The following MACROD2 variants were observed in gnomAD, a reference collection of about 807,000 sequenced individuals.
The protein encoded by MACROD2 is ADP-ribose glycohydrolase MACROD2.
MACROD2 carries 36 observed loss-of-function variants against 70.4 expected under a neutral mutation model. The ratio of observed to expected loss-of-function variants is 0.51; its 90% CI spans 0.39 to 0.68. MACROD2 has a LOEUF of 0.68. Ranked by LOEUF, MACROD2 falls within the 30% of genes least tolerant of loss-of-function variation. The pLI is 0.00. For synonymous variants in MACROD2, 172 were observed against 178.8 expected (o/e 0.96, Z 0.30); for missense variants, 496 against 538.4 (o/e 0.92, Z 0.78).
chr20:14,283,083 A>C (rs1336820749), intron 3 of MACROD2, among the ~76,000 whole-genome samples: 1 of 152,150 alleles, frequency 6.6e-6, no homozygotes, highest in Non-Finnish European at 1.5e-5. Context: ...GTGGCAAATA[A>C]TTTGCAGCTA....
At chr20:15,047,529 T>A (rs2075404539) in intron 5 of MACROD2, among the ~76,000 whole-genome samples, 1 of 152,258 alleles carries the variant, frequency 6.6e-6, no homozygotes, top group South Asian at 2.1e-4. Flanking sequence ...AGTGTTATTC[T>A]AAATATGGAG....
At position 16,044,616 on chromosome 20, in the gene MACROD2, G is replaced by A; in HGVS notation, c.1277G>A (p.Ser426Asn). The change falls in exon 17 of 18, where the codon AGT (serine) becomes AAT (asparagine). Residue 426 changes from serine (S) to asparagine (N), a missense_variant. Physicochemically the swap from Ser to Asn is conservative, Grantham distance 46 (BLOSUM62 1). Transcript: ENST00000684519. ...GACAAGGTAAATGACCCAACAGAGA[G>A]TCAACAAGAAGATCAACTAATAGGT... Reference protein sequence around the residue: ...QVDKVNDPTESQQEDQLIAGA... With the variant: ...QVDKVNDPTENQQEDQLIAGA... 6.2e-7 allele frequency: 1 copy of A among 1,612,514 alleles called. No homozygotes were observed. The highest frequency in any genetic ancestry group is 8.5e-7 in the Non-Finnish European group (1 of 1,179,266).
intron 5 of MACROD2, among the ~76,000 whole-genome samples, chr20:15,078,556 T>C (rs1371771433): frequency 6.6e-6 from 1 of 151,868 alleles, no homozygotes; most frequent in African/African-American, 2.4e-5. Flanking sequence ...TTGAGAGAGA[T>C]ATAAAAAAAA....
intron 3 of MACROD2, among the ~76,000 whole-genome samples, chr20:14,262,270 A>C (rs1190676651): frequency 6.6e-6 from 1 of 152,148 alleles, no homozygotes; most frequent in Non-Finnish European, 1.5e-5. Context: ...AGGAGAGAGA[A>C]TCTACATGAT....
intron 4 of MACROD2, among the ~76,000 whole-genome samples, chr20:14,618,271 A>G (rs1983595269): frequency 6.6e-6 from 1 of 152,060 alleles, no homozygotes; most frequent in Non-Finnish European, 1.5e-5. Flanking sequence ...TGTTTTTTCC[A>G]CCACCTAGCT....
chr20:14,984,367 AT>A (rs1048180685), intron 5 of MACROD2, among the ~76,000 whole-genome samples: 10 of 152,002 alleles, frequency 6.6e-5, no homozygotes, highest in Admixed American at 5.2e-4. Context: ...TGGTTGGTTA[AT>A]TTTTTTTCTG....
At chr20:15,119,902 G>C (rs566694546) in intron 5 of MACROD2, among the ~76,000 whole-genome samples, 35 of 152,352 alleles carry the variant, frequency 2.3e-4, no homozygotes, top group African/African-American at 8.2e-4. Context: ...ACCATTGCTG[G>C]TATAGATTCT....
In MACROD2 at chr20:15,528,833, A is replaced by G. The variant is rs537111152; in HGVS notation, c.645+28986A>G. ...CCATCTTGAACTCGAAACTCTTATC[A>G]CTTTTATCTTGTTTGAGTCACCATT... On this transcript the variant is annotated intron_variant, in intron 8 of 17. Coordinates refer to ENST00000684519, the MANE Select transcript of MACROD2 (RefSeq NM_001351661.2). Among the ~76,000 whole-genome samples the G allele has an allele frequency of 1.2e-4, 18 of 151,300 alleles. No homozygotes were observed. The East Asian group carries it at 2.9e-3, about 25-fold the overall frequency.
intron 5 of MACROD2, among the ~76,000 whole-genome samples, chr20:15,198,240 T>C (rs776681636): frequency 1.3e-5 from 2 of 152,118 alleles, no homozygotes; most frequent in Non-Finnish European, 2.9e-5. Flanking sequence ...ATTACAGGCA[T>C]GAGCCAACGC....
intron 3 of MACROD2, among the ~76,000 whole-genome samples, chr20:14,344,647 G>T (rs930366636): frequency 6.6e-6 from 1 of 152,142 alleles, no homozygotes; most frequent in African/African-American, 2.4e-5. Flanking sequence ...GATCTAGACT[G>T]AACAAGTTTA....
chr20:15,634,759 G>A lies in MACROD2; in HGVS notation c.645+134912G>A, dbSNP rs370538484. ...CCATTTTCACCTTTTTCAATGTGTC[G>A]TACTGTGCCACAGGGGCTTGAGGGT... On this transcript the variant is annotated intron_variant, in intron 8 of 17. Coordinates refer to ENST00000684519, the MANE Select transcript of MACROD2 (RefSeq NM_001351661.2). Among the ~76,000 whole-genome samples, 22 of 152,262 alleles carry A rather than the reference G, an allele frequency of 1.4e-4. No homozygotes were observed. The East Asian group carries it at 1.7e-3, about 12-fold the overall frequency.
chr20:15,303,836 C>A lies in MACROD2; in HGVS notation c.540+73775C>A, dbSNP rs143844901. Among the ~76,000 whole-genome samples, 778 of 152,202 alleles carry A rather than the reference C, an allele frequency of 5.1e-3. 2 individuals carry two copies. Among genetic ancestry groups the A allele is most frequent in the Middle Eastern group, 0.02 (6 of 294 alleles). ...TCACAAGTGTTTTTTGCTCTTCTGG[C>A]CTAACAGCCTACAATTCCTCTTCCT... On this transcript the variant is annotated intron_variant, in intron 6 of 17. Transcript: ENST00000684519.
intron 3 of MACROD2, among the ~76,000 whole-genome samples, chr20:14,349,140 T>C (rs2083094266): frequency 6.6e-6 from 1 of 151,058 alleles, no homozygotes; most frequent in Non-Finnish European, 1.5e-5. Context: ...AGTATTAACA[T>C]TGGGTGGTTT....
chr20:14,605,385 C>A (rs916122250), intron 4 of MACROD2, among the ~76,000 whole-genome samples: 12 of 51,842 alleles, frequency 2.3e-4, no homozygotes, highest in African/African-American at 9.9e-4. Context: ...TCTATACCTG[C>A]TCAGGTGTCC....
intron 3 of MACROD2, among the ~76,000 whole-genome samples, chr20:14,231,837 T>A (rs911699815): frequency 4.6e-5 from 7 of 152,198 alleles, no homozygotes; most frequent in Admixed American, 1.3e-4. Flanking sequence ...CCATTCTAAC[T>A]GGTGTGAGAT....
At chr20:15,559,484 G>A (rs1057347292) in intron 8 of MACROD2, among the ~76,000 whole-genome samples, 2 of 152,116 alleles carry the variant, frequency 1.3e-5, no homozygotes, top group African/African-American at 4.8e-5. Flanking sequence ...GTTTACATTT[G>A]CTCCATCTCC....
At chr20:15,732,943 G>A (rs1467716701) in intron 8 of MACROD2, among the ~76,000 whole-genome samples, 3 of 152,050 alleles carry the variant, frequency 2.0e-5, no homozygotes, top group Admixed American at 6.5e-5. Flanking sequence ...GTTTTGGAAG[G>A]TTATTAATTA....
intron 3 of MACROD2, among the ~76,000 whole-genome samples, chr20:14,380,479 A>G (rs2083410869): frequency 6.6e-6 from 1 of 152,038 alleles, no homozygotes; most frequent in African/African-American, 2.4e-5. Context: ...CTGGTACTCA[A>G]TTGCCAAATC....
chr20:14,446,731 T>C (rs1164333257), intron 3 of MACROD2, among the ~76,000 whole-genome samples: 1 of 152,076 alleles, frequency 6.6e-6, no homozygotes, highest in Non-Finnish European at 1.5e-5. Flanking sequence ...GTGGGCACTT[T>C]TCACAGTTCC....
Sources: gnomAD v4.1 joint callset for allele counts (sites outside exome capture counted in the v4.1 genomes callset) on GRCh38, gnomAD v4.1.1 for gene constraint, MANE v1.5 for transcripts, NCBI Gene and HGNC (gene_info 2026-07-23, HGNC 2026-07-21) for gene names.